CUX1: variants seen among roughly 807,000 people sequenced by gnomAD.
The protein encoded by CUX1 is protein CASP.
Under a neutral mutation model 158.8 loss-of-function variants are expected in CUX1, and 31 were observed. The ratio of observed to expected loss-of-function variants is 0.20; its 90% confidence interval spans 0.15 to 0.26. The LOEUF is 0.26. CUX1 is among the 10% of genes least tolerant of loss of function. The pLI is 1.00. For missense variants in CUX1, 1,589 were observed against 2,014.6 expected, an observed-to-expected ratio of 0.79 and a Z score of 4.04; for synonymous variants, 879 against 862.1, an observed-to-expected ratio of 1.02 and a Z score of -0.34.
chr7:101,898,729 T>TA (rs1200400724), intron 1 of CUX1, among the ~76,000 whole-genome samples: 1 of 152,032 alleles, frequency 6.6e-6, no homozygotes, highest in Non-Finnish European at 1.5e-5. Flanking sequence ...TAGCTGGGAT[T>TA]ACAGGCACGC....
At chr7:101,980,761 G>C (rs1813332122) in intron 2 of CUX1, among the ~76,000 whole-genome samples, 1 of 151,990 alleles carries the variant, frequency 6.6e-6, no homozygotes, top group Admixed American at 6.6e-5. Context: ...CCCAAGAACA[G>C]GGCTCCTGAA....
At chr7:101,900,294 C>T (rs1446786882) in intron 1 of CUX1, among the ~76,000 whole-genome samples, 1 of 152,188 alleles carries the variant, frequency 6.6e-6, no homozygotes, top group Non-Finnish European at 1.5e-5. Context: ...TGCCCAGAAC[C>T]CAGGTTTCCT....
chr7:102,237,119 G>A (rs1799655414), intron 22 of CUX1, among the ~76,000 whole-genome samples: 1 of 152,240 alleles, frequency 6.6e-6, no homozygotes, highest in Admixed American at 6.5e-5. Context: ...GGATCCAGCA[G>A]CTTTGACTCC....
At chr7:101,962,216 C>T (rs560893496) in intron 2 of CUX1, among the ~76,000 whole-genome samples, 18 of 152,276 alleles carry the variant, frequency 1.2e-4, no homozygotes, top group Non-Finnish European at 2.2e-4. Context: ...ACAAATGTAT[C>T]GATTTCATCT....
At chr7:102,258,936 C>T (rs559752891), downstream of CUX1, among the ~76,000 whole-genome samples, 2 of 152,282 alleles carry the variant, frequency 1.3e-5, no homozygotes, top group East Asian at 3.9e-4. Context: ...GCAGAGGTGG[C>T]TGTTAGGCTT....
At chr7:102,141,033 T>G (rs562411504) in intron 8 of CUX1, among the ~76,000 whole-genome samples, 1 of 152,246 alleles carries the variant, frequency 6.6e-6, no homozygotes, top group South Asian at 2.1e-4. Context: ...TTCTTAAAGA[T>G]TCATGGCCAA....
chr7:101,837,680 T>C (rs1207456109), intron 1 of CUX1, among the ~76,000 whole-genome samples: 8 of 151,398 alleles, frequency 5.3e-5, no homozygotes, highest in African/African-American at 1.9e-4. Context: ...AATCCAAAAG[T>C]AGCTGGGCAT....
intron 3 of CUX1, among the ~76,000 whole-genome samples, chr7:102,046,306 C>T (rs113900544): frequency 0.011 from 1,609 of 152,246 alleles, 32 homozygotes; most frequent in African/African-American, 0.037. Context: ...GATTGCAGCT[C>T]ACTGCCACCT....
At chr7:102,173,186 C>T (rs1426636800) in intron 10 of CUX1, among the ~76,000 whole-genome samples, 1 of 152,044 alleles carries the variant, frequency 6.6e-6, no homozygotes, top group Non-Finnish European at 1.5e-5. Flanking sequence ...ATGGCGAGAA[C>T]CTGTCTCTAC....
chr7:102,048,721 C>T (rs1300417415), intron 3 of CUX1, among the ~76,000 whole-genome samples: 6 of 152,098 alleles, frequency 3.9e-5, no homozygotes, highest in African/African-American at 1.2e-4. Flanking sequence ...CCCAGCTACT[C>T]GAGAGGCTGA....
Position 102,257,411 on chromosome 7 carries a change from A to T in CUX1, c.*8369A>T, listed in dbSNP as rs1201828832. ...CGGGCATCTCACGTACCCCCATCTG[A>T]GACCTCTTGGAAAAAAAAAATCCCG... On this transcript the variant is annotated 3_prime_UTR_variant, in exon 24 of 24. Coordinates refer to ENST00000292535, the MANE Select transcript of CUX1 (RefSeq NM_181552.4). 1.0e-6 allele frequency: 1 copy of T among 984,534 alleles called. No individual in the cohort carries two copies. The highest frequency in any genetic ancestry group is 1.2e-6 in the Non-Finnish European group (1 of 829,816). 61.0% of individuals were successfully genotyped at this position (984,534 alleles called of 1,614,324 possible). A position where few individuals can be genotyped will look rare whatever the true frequency, so the allele number is the denominator to read the frequency against.
chr7:102,187,939 T>G (rs1586117971), intron 11 of CUX1, among the ~76,000 whole-genome samples: 1 of 152,126 alleles, frequency 6.6e-6, no homozygotes, highest in Non-Finnish European at 1.5e-5. Flanking sequence ...ACAGGCATGG[T>G]GGCTCACGCC....
intron 20 of CUX1, among the ~76,000 whole-genome samples, chr7:102,220,545 G>C (rs1797703217): frequency 6.6e-6 from 1 of 152,178 alleles, no homozygotes; most frequent in Non-Finnish European, 1.5e-5. Flanking sequence ...ATCCAGGCTG[G>C]TGGCCACCCT....
In CUX1 at chr7:101,999,907, T is replaced by C. The variant is rs557771314; in HGVS notation, c.142-28191T>C. On this transcript the variant is annotated intron_variant, in intron 2 of 23. Coordinates refer to ENST00000292535, the MANE Select transcript of CUX1 (RefSeq NM_181552.4). Reference sequence around the variant, plus strand: ...GTGCGTGTGTGTGTGCGTGTGTGTGTGCATGTGTGTTCTAAAGAGACCCTA... The same window carrying C: ...GTGCGTGTGTGTGTGCGTGTGTGTGCGCATGTGTGTTCTAAAGAGACCCTA... Among the ~76,000 whole-genome samples, 4 of 152,224 alleles carry C rather than the reference T, an allele frequency of 2.6e-5. No homozygotes were observed. In the South Asian group the frequency reaches 8.3e-4, roughly 32 times the overall value.
intron 3 of CUX1, among the ~76,000 whole-genome samples, chr7:102,041,392 T>G (rs1227557829): frequency 6.9e-6 from 1 of 144,504 alleles, no homozygotes; most frequent in Admixed American, 7.1e-5. Flanking sequence ...GTAGCTGGGA[T>G]TTCAGGTGTG....
At chr7:102,092,633 C>T (rs1372609319) in intron 4 of CUX1, among the ~76,000 whole-genome samples, 1 of 152,070 alleles carries the variant, frequency 6.6e-6, no homozygotes. Flanking sequence ...GCATTTAGGC[C>T]GGGTGTGGTG....
intron 8 of CUX1, among the ~76,000 whole-genome samples, chr7:102,155,824 A>G (rs1402339928): frequency 1.3e-5 from 2 of 152,124 alleles, no homozygotes; most frequent in African/African-American, 2.4e-5. Context: ...ATACAGAAGG[A>G]TGTTTCATCA....
rs541338977 is a variant in CUX1, at chr7:101,932,173, C to T, written c.141+15948C>T. ...GATTAAGATCGAGGGAAATGTCGGC[C>T]CTGGGCCTCCTAACATTGACAGTTT... On this transcript the variant is annotated intron_variant, in intron 2 of 23. Transcript: ENST00000292535. 2.0e-5 allele frequency among the ~76,000 whole-genome samples: 3 copies of T among 152,322 alleles called. No homozygotes were observed. In the South Asian group the frequency reaches 6.2e-4, roughly 32 times the overall value.
In CUX1 at chr7:102,256,412, A is replaced by C; in HGVS notation, c.*7370A>C. 1 of 985,368 alleles carries C rather than the reference A, an allele frequency of 1.0e-6. No homozygotes were observed. Among genetic ancestry groups the C allele is most frequent in the Non-Finnish European group, 1.2e-6 (1 of 829,918 alleles). 61.0% of individuals were successfully genotyped at this position (985,368 alleles called of 1,614,324 possible). A position where few individuals can be genotyped will look rare whatever the true frequency, so the allele number is the denominator to read the frequency against. ...TGTTATTTTGTGTTTTGTTGTCATA[A>C]ATGCTTTTTGCTGTCACTCTAGTGG... is the stretch of plus-strand genomic sequence containing the variant. On this transcript the variant is annotated 3_prime_UTR_variant, in exon 24 of 24. Transcript: ENST00000292535.
Sources: allele counts gnomAD v4.1 joint callset (sites outside exome capture counted in the v4.1 genomes callset), GRCh38; gene constraint gnomAD v4.1.1; transcripts MANE v1.5; gene names NCBI Gene and HGNC (gene_info 2026-07-23, HGNC 2026-07-21).